The following OGDH variants were observed in gnomAD, a reference collection of about 807,000 sequenced individuals.
OGDH encodes oxoglutarate dehydrogenase, also known as 2-oxoglutarate dehydrogenase complex component E1.
Under a neutral mutation model 116.6 loss-of-function variants are expected in OGDH, and 38 were observed. The ratio of observed to expected loss-of-function variants is 0.33; its 90% confidence interval spans 0.25 to 0.43. The LOEUF (loss-of-function observed/expected upper bound fraction) is 0.43. Among genes scored for constraint, OGDH ranks in the 20% least tolerant of loss-of-function variants. The probability of loss-of-function intolerance (pLI) is 1.00; values close to 1 mark genes in which losing one functional copy is unlikely to be tolerated. For synonymous variants in OGDH, 488 were observed against 533.3 expected (o/e 0.92, Z 1.17); for missense variants, 825 against 1,357.2 (o/e 0.61, Z 6.16).
chr7:44,629,954 G>A (rs1205497825), intron 2 of OGDH, among the ~76,000 whole-genome samples: 4 of 152,172 alleles, frequency 2.6e-5, no homozygotes, highest in Admixed American at 1.3e-4. Context: ...ACATGTGGTC[G>A]CTGCAGGAGG....
intron 20 of OGDH, among the ~76,000 whole-genome samples, chr7:44,703,556 C>T (rs904837627): frequency 5.3e-5 from 8 of 151,732 alleles, no homozygotes; most frequent in South Asian, 2.1e-4. Flanking sequence ...CCCATCTCTA[C>T]GAAAAATACA....
At chr7:44,699,756 C>T (rs772390485) in intron 18 of OGDH, among the ~76,000 whole-genome samples, 31 of 152,174 alleles carry the variant, frequency 2.0e-4, no homozygotes, top group Non-Finnish European at 4.3e-4. Context: ...GTTCTGTAGG[C>T]TGTACAGGAA....
Position 44,694,656 on chromosome 7 carries a change from T to G in OGDH, c.1668+80T>G, listed in dbSNP as rs925285066. The G allele has an allele frequency of 1.0e-4, 156 of 1,538,444 alleles. No homozygotes were observed. Among genetic ancestry groups the G allele is most frequent in the Admixed American group, 3.1e-4 (18 of 57,452 alleles). On this transcript the variant is annotated intron_variant, in intron 12 of 22. Transcript: ENST00000222673. The surrounding 1 kb of genome is among the most constrained non-coding windows in gnomAD (Gnocchi z 4.2). Reference sequence around the variant, plus strand: ...AAAAGGTGGGCCACAGGGCCAGTTCTCACTTTTGCCAGTTATGAGGATACA... The same window carrying G: ...AAAAGGTGGGCCACAGGGCCAGTTCGCACTTTTGCCAGTTATGAGGATACA...
chr7:44,613,358 A>ATTTG (rs775123810), intron 1 of OGDH, among the ~76,000 whole-genome samples: 10 of 148,650 alleles, frequency 6.7e-5, no homozygotes, highest in Admixed American at 6.7e-5. Context: ...TTGTTTGTTT[A>ATTTG]TTTGTTTGTT....
intron 20 of OGDH, among the ~76,000 whole-genome samples, chr7:44,703,572 T>C (rs1272769280): frequency 2.7e-5 from 4 of 150,404 alleles, no homozygotes; most frequent in African/African-American, 9.8e-5. Context: ...ATACAAAAAT[T>C]AGCTGGGCAT....
intron 1 of OGDH, among the ~76,000 whole-genome samples, chr7:44,609,563 G>T (rs1784489035): frequency 6.6e-6 from 1 of 151,402 alleles, no homozygotes; most frequent in South Asian, 2.1e-4. Flanking sequence ...CGGGCTATTG[G>T]GCTATGGATG....
chr7:44,691,021 A>G (rs973749358), intron 10 of OGDH, among the ~76,000 whole-genome samples: 2 of 152,186 alleles, frequency 1.3e-5, no homozygotes, highest in African/African-American at 4.8e-5. Flanking sequence ...GCCATTAAAC[A>G]TAAATATAGA....
chr7:44,661,688 T>A (rs1383551071), intron 4 of OGDH, among the ~76,000 whole-genome samples: 1 of 152,082 alleles, frequency 6.6e-6, no homozygotes, highest in African/African-American at 2.4e-5. Context: ...CTGCAACCTC[T>A]GCCTTCCGGT....
Position 44,707,565 on chromosome 7 carries a change from C to G in OGDH, c.2797-17C>G. 1 of 1,613,122 alleles carries G rather than the reference C, an allele frequency of 6.2e-7. No individual in the cohort carries two copies. Among genetic ancestry groups the G allele is most frequent in the Non-Finnish European group, 8.5e-7 (1 of 1,179,864 alleles). On this transcript the variant is annotated splice_polypyrimidine_tract_variant and intron_variant, in intron 21 of 22. Transcript: ENST00000222673. This position sits in a 1 kb window ranked among gnomAD's most constrained non-coding sequence, Gnocchi z 5.2. Reference sequence around the variant, plus strand: ...TCTGAGTTTCCTCTTTTTGATCTGACCCCTGCTGTCTCCTAGCTGTCGCCA... The same window carrying G: ...TCTGAGTTTCCTCTTTTTGATCTGAGCCCTGCTGTCTCCTAGCTGTCGCCA...
chr7:44,705,054 T>TC (rs1486057461), intron 20 of OGDH, among the ~76,000 whole-genome samples: 1 of 120,656 alleles, frequency 8.3e-6, no homozygotes, highest in Non-Finnish European at 1.6e-5. Flanking sequence ...TAATTTTCTT[T>TC]TTTTTTTTTT....
intron 12 of OGDH, among the ~76,000 whole-genome samples, chr7:44,695,439 G>T (rs1181429446): frequency 1.3e-5 from 2 of 152,150 alleles, no homozygotes; most frequent in African/African-American, 4.8e-5. Flanking sequence ...GGGCGTGGTG[G>T]CTCATGCCTG....
At chr7:44,636,430 C>T (rs1168782508) in intron 2 of OGDH, among the ~76,000 whole-genome samples, 1 of 152,264 alleles carries the variant, frequency 6.6e-6, no homozygotes, top group African/African-American at 2.4e-5. Context: ...CAGACAAGTG[C>T]TCCTTGGTTA....
intron 20 of OGDH, among the ~76,000 whole-genome samples, chr7:44,703,232 A>T (rs545113410): frequency 6.6e-6 from 1 of 152,076 alleles, no homozygotes; most frequent in African/African-American, 2.4e-5. Context: ...CCTGGCCAAC[A>T]GGGTGAAACC....
rs749122691 is a variant in OGDH, at chr7:44,694,049, C to T, written c.1515+45C>T. 1.3e-5 allele frequency: 21 copies of T among 1,566,416 alleles called. No homozygotes were observed. The African/African-American group carries it at 2.4e-4, about 18-fold the overall frequency. On this transcript the variant is annotated intron_variant, in intron 11 of 22. Transcript: ENST00000222673. The surrounding 1 kb of genome is among the most constrained non-coding windows in gnomAD (Gnocchi z 4.2). ...GCACGTCCTGGGCAGAGCATCTGAC[C>T]CACCCCTCTTGCCCTCGGCACCCCT...
chr7:44,681,600 A>G (rs149329270), intron 9 of OGDH, 120 bp from the exon 10 acceptor site: 235 of 1,379,500 alleles, frequency 1.7e-4, no homozygotes, highest in Non-Finnish European at 2.1e-4. Flanking sequence ...GCTACTTTCT[A>G]TGTTTGAAAT....
At chr7:44,667,975 A>G (rs919501392) in intron 5 of OGDH, among the ~76,000 whole-genome samples, 11 of 152,190 alleles carry the variant, frequency 7.2e-5, no homozygotes, top group Non-Finnish European at 1.6e-4. Flanking sequence ...ATGGCTGGAC[A>G]TTAGAACCAC....
chr7:44,696,376 G>A, intron 13 of OGDH, 53 bp from the exon 14 acceptor site: 2 of 1,584,716 alleles, frequency 1.3e-6, no homozygotes, highest in East Asian at 2.2e-5. Flanking sequence ...CCATTTTGTG[G>A]TCCCTGGAAA....
At chr7:44,650,197 G>T (rs1786375496) in intron 4 of OGDH, among the ~76,000 whole-genome samples, 1 of 152,172 alleles carries the variant, frequency 6.6e-6, no homozygotes, top group African/African-American at 2.4e-5. Context: ...TAAAACATTT[G>T]TATCTGTAGG....
chr7:44,683,127 T>C (rs1022706803), intron 10 of OGDH, among the ~76,000 whole-genome samples: 2 of 152,146 alleles, frequency 1.3e-5, no homozygotes, highest in African/African-American at 4.8e-5. Context: ...CCAGCCTGGA[T>C]GACAGAGCAA....
Sources: gnomAD v4.1 joint callset for allele counts (sites outside exome capture counted in the v4.1 genomes callset) on GRCh38, gnomAD v4.1.1 for gene constraint, Gnocchi (gnomAD v3.1) non-coding constraint, MANE v1.5 for transcripts, NCBI Gene and HGNC (gene_info 2026-07-23, HGNC 2026-07-21) for gene names.